Variants in NBPF11 observed in about 807,000 individuals in gnomAD.
The protein encoded by NBPF11 is NBPF family member NBPF11.
Under a neutral mutation model 93.9 loss-of-function variants are expected in NBPF11, and 72 were observed. The ratio of observed to expected loss-of-function variants is 0.77; its 90% confidence interval spans 0.63 to 0.93. The LOEUF (loss-of-function observed/expected upper bound fraction) is 0.93. Among genes scored for constraint, NBPF11 ranks in the 40% least tolerant of loss-of-function variants. The probability of loss-of-function intolerance (pLI) is 0.00; values close to 1 mark genes in which losing one functional copy is unlikely to be tolerated. For missense variants in NBPF11, 705 were observed against 802.2 expected (o/e 0.88, Z 1.46); for synonymous variants, 224 against 304.9 (o/e 0.73, Z 2.76).
At chr1:148,127,813 TTC>T (rs1167281429) in intron 4 of NBPF11, among the ~76,000 whole-genome samples, 19 of 150,598 alleles carry the variant, frequency 1.3e-4, no homozygotes, top group Admixed American at 1.3e-3. Flanking sequence ...CGGCTAATTT[TTC>T]TTTTTTTTTT....
chr1:148,142,084 G>GGGAGGAA (rs1672284926), intron 2 of NBPF11, among the ~76,000 whole-genome samples: 1 of 147,004 alleles, frequency 6.8e-6, no homozygotes, highest in South Asian at 2.2e-4. Flanking sequence ...AAGGAAGGGA[G>GGGAGGAA]GGAAGGCAGA....
chr1:148,148,470 C>T (rs1647309867), intron 1 of NBPF11, among the ~76,000 whole-genome samples: 2 of 152,018 alleles, frequency 1.3e-5, no homozygotes, highest in African/African-American at 4.8e-5. Context: ...ACACCAATGA[C>T]CTGGGGGTGA....
At chr1:148,124,822 A>C (rs1445616094) in intron 6 of NBPF11, 77 bp downstream of exon 6, 56 of 1,531,762 alleles carry the variant, frequency 3.7e-5, no homozygotes, top group Non-Finnish European at 4.8e-5. Context: ...CTTCGTTCTT[A>C]CTTCTCCCCG....
chr1:148,122,853 C>T (rs1295422823), intron 7 of NBPF11, 52 bp from the exon 8 acceptor site: 5 of 1,608,234 alleles, frequency 3.1e-6, no homozygotes, highest in African/African-American at 2.7e-5. Flanking sequence ...ATTCTGCAAG[C>T]ACAGTCAGCC....
At chr1:148,142,702 C>T (rs1287862453) in intron 2 of NBPF11, among the ~76,000 whole-genome samples, 646 of 152,040 alleles carry the variant, frequency 4.2e-3, no homozygotes, top group African/African-American at 0.015. Flanking sequence ...CTGAGATTTA[C>T]TCATTATGGG....
chr1:148,120,205 C>A (rs1476731049), intron 10 of NBPF11, among the ~76,000 whole-genome samples: 1 of 152,042 alleles, frequency 6.6e-6, no homozygotes, highest in East Asian at 1.9e-4. Context: ...AGAGAGGATT[C>A]TTGAAAACAC....
intron 10 of NBPF11, among the ~76,000 whole-genome samples, chr1:148,119,812 C>T (rs1420109489): frequency 0.013 from 1,473 of 109,970 alleles, 2 homozygotes; most frequent in Admixed American, 0.026. Context: ...CCTGCCACCA[C>T]GCCCATCTAC....
At position 148,116,115 on chromosome 1, in the gene NBPF11, T is replaced by C. The variant is rs1218790924; in HGVS notation, c.1380-117A>G. On this transcript the variant is annotated intron_variant, in intron 13 of 23. Coordinates refer to ENST00000682118, the MANE Select transcript of NBPF11 (RefSeq NM_001385469.3). ...AAGAGAGTGGTCCCAGAAAGCAAAA[T>C]GGACGTTCCCATTAAGAGGGAACAT... 82 of 950,802 alleles carry C rather than the reference T, an allele frequency of 8.6e-5. 1 individual carries two copies. In the African/African-American group the frequency reaches 1.1e-3, roughly 13 times the overall value. 58.9% of individuals were successfully genotyped at this position (950,802 alleles called of 1,614,324 possible).
chr1:148,135,641 T>A (rs1671156648), intron 4 of NBPF11, 31 bp downstream of exon 4: 3 of 598,464 alleles, frequency 5.0e-6, no homozygotes, highest in South Asian at 4.0e-5. Flanking sequence ...GGTAGCATCT[T>A]TCAGAAAGCT....
In NBPF11 at chr1:148,112,184, A is replaced by C. The variant is rs1414105844; in HGVS notation, c.1638-1643T>G. The stretch of plus-strand genomic sequence containing the variant: ...TATATATTTTAATACTTTAAGTCTT[A>C]GGGTACACGTGCACAACGTGCAGCT... On this transcript the variant is annotated intron_variant, in intron 15 of 23. Coordinates refer to ENST00000682118, the MANE Select transcript of NBPF11 (RefSeq NM_001385469.3). Among the ~76,000 whole-genome samples the C allele has an allele frequency of 2.7e-5, 4 of 146,928 alleles. No homozygotes were observed. In the East Asian group the frequency reaches 8.3e-4, roughly 30 times the overall value.
At chr1:148,145,378 A>C (rs1355843187) in intron 1 of NBPF11, among the ~76,000 whole-genome samples, 1 of 141,258 alleles carries the variant, frequency 7.1e-6, no homozygotes, top group East Asian at 2.2e-4. Flanking sequence ...CATCCAGCTA[A>C]TTTTTGTATT....
intron 9 of NBPF11, among the ~76,000 whole-genome samples, chr1:148,121,786 C>T (rs1235417099): frequency 1.6e-4 from 24 of 151,998 alleles, no homozygotes; most frequent in Admixed American, 3.9e-4. Flanking sequence ...GGACTATAGG[C>T]GGGCAGCACC....
At chr1:148,131,160 G>GA (rs60473932) in intron 4 of NBPF11, among the ~76,000 whole-genome samples, 4,242 of 117,064 alleles carry the variant, frequency 0.036, 133 homozygotes, top group African/African-American at 0.086. Context: ...ATATTAAGAG[G>GA]AAAAAAAAAA....
chr1:148,118,105 T>A (rs1192033789), intron 11 of NBPF11, among the ~76,000 whole-genome samples: 7 of 149,492 alleles, frequency 4.7e-5, no homozygotes, highest in Middle Eastern at 3.4e-3. Context: ...GACATTTCCA[T>A]GTGAAAATAC....
intron 1 of NBPF11, among the ~76,000 whole-genome samples, chr1:148,148,900 G>A (rs1571502482): frequency 1.3e-5 from 2 of 151,470 alleles, no homozygotes; most frequent in East Asian, 3.9e-4. Context: ...CCGTAGGCAG[G>A]ATCCCTGCAG....
intron 6 of NBPF11, among the ~76,000 whole-genome samples, chr1:148,124,445 G>A (rs1484330871): frequency 3.4e-5 from 5 of 148,864 alleles, no homozygotes; most frequent in East Asian, 2.0e-4. Context: ...GTACAGAAAT[G>A]AGGCCAGGTG....
chr1:148,119,375 A>T (rs2149223552), intron 10 of NBPF11, among the ~76,000 whole-genome samples: 1 of 152,182 alleles, frequency 6.6e-6, no homozygotes, highest in East Asian at 1.9e-4. Context: ...GTTCTAGGAG[A>T]TTGACAAGAA....
At chr1:148,119,581 G>C (rs1246261329) in intron 10 of NBPF11, among the ~76,000 whole-genome samples, 13 of 151,640 alleles carry the variant, frequency 8.6e-5, no homozygotes, top group Non-Finnish European at 4.4e-5. Flanking sequence ...TCCTCTTTAG[G>C]AACAAGACTC....
intron 20 of NBPF11, among the ~76,000 whole-genome samples, 156 bp from the exon 21 acceptor site, chr1:148,106,388 G>C (rs1663622315): frequency 6.7e-6 from 1 of 149,466 alleles, no homozygotes; most frequent in Admixed American, 6.6e-5. Context: ...AGCTGGTCAT[G>C]ATATTCTTTG....
Sources: gnomAD v4.1 joint callset for allele counts (sites outside exome capture counted in the v4.1 genomes callset) on GRCh38, gnomAD v4.1.1 for gene constraint, MANE v1.5 for transcripts, NCBI Gene and HGNC (gene_info 2026-07-23, HGNC 2026-07-21) for gene names.